The following DMXL2 variants were observed in gnomAD, a reference collection of about 807,000 sequenced individuals.
DMXL2 encodes the protein Dmx like 2, also known as dmX-like protein 2.
In DMXL2, 103 loss-of-function variants were observed where a neutral mutation model predicts 331.1. The ratio of observed to expected loss-of-function variants is 0.31; its 90% CI spans 0.27 to 0.37. The LOEUF is 0.37. DMXL2 is among the 10% of genes least tolerant of loss of function. The pLI is 1.00. For missense variants in DMXL2, 3,171 were observed against 3,642.9 expected (o/e 0.87, Z 3.33); for synonymous variants, 1,281 against 1,252.1 (o/e 1.02, Z -0.49).
intron 1 of DMXL2, among the ~76,000 whole-genome samples, chr15:51,599,241 T>C (rs943693240): frequency 1.3e-5 from 2 of 152,240 alleles, no homozygotes; most frequent in African/African-American, 4.8e-5. Flanking sequence ...TCATTTTTCA[T>C]GCTCCAGCCT....
intron 16 of DMXL2, among the ~76,000 whole-genome samples, chr15:51,504,601 C>T (rs982354217): frequency 6.6e-6 from 1 of 152,278 alleles, no homozygotes; most frequent in African/African-American, 2.4e-5. Context: ...CAAAGAGCAC[C>T]AGAATATTCA....
At chr15:51,485,034 C>CAAAAAAAA (rs35332731) in intron 23 of DMXL2, among the ~76,000 whole-genome samples, 3 of 99,744 alleles carry the variant, frequency 3.0e-5, no homozygotes, top group Non-Finnish European at 5.9e-5. Flanking sequence ...TCAGGCAAAC[C>CAAAAAAAA]AAAAAAAAAA....
chr15:51,539,341 A>C (rs1199715681), intron 9 of DMXL2, among the ~76,000 whole-genome samples: 3 of 152,228 alleles, frequency 2.0e-5, no homozygotes, highest in Non-Finnish European at 4.4e-5. Flanking sequence ...GAAGAATATA[A>C]AAGTATTAAC....
At chr15:51,576,888 CACT>C (rs1214090246) in intron 1 of DMXL2, among the ~76,000 whole-genome samples, 1 of 152,070 alleles carries the variant, frequency 6.6e-6, no homozygotes, top group African/African-American at 2.4e-5. Flanking sequence ...GGGCAAATAC[CACT>C]ATATGATCTT....
intron 1 of DMXL2, among the ~76,000 whole-genome samples, chr15:51,585,318 A>G (rs2051721575): frequency 6.8e-6 from 1 of 146,468 alleles, no homozygotes; most frequent in African/African-American, 2.5e-5. Context: ...TACCTAATTT[A>G]TTGAGAGTTT....
At chr15:51,503,697 G>A (rs1297718963) in intron 16 of DMXL2, among the ~76,000 whole-genome samples, 3 of 152,132 alleles carry the variant, frequency 2.0e-5, no homozygotes, top group Admixed American at 6.5e-5. Flanking sequence ...TTTCAAAAGA[G>A]CTAGAAGAGA....
At chr15:51,535,519 T>C (rs942351553) in intron 13 of DMXL2, 144 bp downstream of exon 13, 1 of 625,732 alleles carries the variant, frequency 1.6e-6, no homozygotes, top group Non-Finnish European at 2.4e-6. Context: ...TAGGAAAAAA[T>C]AAATGTGTCA....
chr15:51,586,160 A>G (rs1029742256), intron 1 of DMXL2, among the ~76,000 whole-genome samples: 1 of 152,264 alleles, frequency 6.6e-6, no homozygotes, highest in East Asian at 1.9e-4. Flanking sequence ...GAAAGCTTAC[A>G]GCAAAAAAGT....
In DMXL2 at chr15:51,601,550, T is replaced by C. The variant is rs144230002; in HGVS notation, c.87+20909A>G. Among the ~76,000 whole-genome samples the C allele has an allele frequency of 2.4e-3, 367 of 152,332 alleles. 2 individuals carry two copies. Among genetic ancestry groups the C allele is most frequent in the African/African-American group, 8.5e-3 (353 of 41,580 alleles). The stretch of plus-strand genomic sequence containing the variant: ...GATCAACCATCCTGTTACTCTACCA[T>C]GCCAATTGTGATATAAATCAAACAT... On this transcript the variant is annotated intron_variant, in intron 1 of 43. Transcript: ENST00000560891.
intron 1 of DMXL2, among the ~76,000 whole-genome samples, chr15:51,586,162 CA>C (rs1176480617): frequency 1.3e-5 from 2 of 151,806 alleles, no homozygotes; most frequent in African/African-American, 4.8e-5. Flanking sequence ...AAGCTTACAG[CA>C]AAAAAGTTTA....
chr15:51,557,413 C>T (rs191225476), intron 6 of DMXL2, among the ~76,000 whole-genome samples: 28 of 152,152 alleles, frequency 1.8e-4, no homozygotes, highest in African/African-American at 5.5e-4. Flanking sequence ...TGTTCATAAA[C>T]GGGAAGACTA....
chr15:51,454,493 G>C (rs530925127), intron 40 of DMXL2, among the ~76,000 whole-genome samples: 2 of 152,098 alleles, frequency 1.3e-5, no homozygotes, highest in Admixed American at 1.3e-4. Context: ...CAGATGTTTG[G>C]AACCTGATTC....
intron 1 of DMXL2, among the ~76,000 whole-genome samples, chr15:51,614,254 C>G (rs183046886): frequency 2.0e-5 from 3 of 152,292 alleles, no homozygotes; most frequent in Admixed American, 6.5e-5. Flanking sequence ...CTTGGACTTC[C>G]AAACTCCAGA....
chr15:51,595,733 T>C (rs562921223), intron 1 of DMXL2, among the ~76,000 whole-genome samples: 33 of 152,168 alleles, frequency 2.2e-4, no homozygotes, highest in African/African-American at 8.0e-4. Flanking sequence ...TATAGATCAA[T>C]GGAACAGAAC....
chr15:51,492,510 T>C (rs928777553), intron 19 of DMXL2, among the ~76,000 whole-genome samples: 3 of 152,158 alleles, frequency 2.0e-5, no homozygotes, highest in African/African-American at 7.2e-5. Flanking sequence ...TTTTTTTACC[T>C]GGGAGAAGAC....
chr15:51,535,605 G>GTCAAAAGAGAATTCTTT, intron 13 of DMXL2, 58 bp downstream of exon 13: 2 of 1,495,578 alleles, frequency 1.3e-6, no homozygotes, highest in Non-Finnish European at 1.8e-6. Context: ...CCTAGACAAA[G>GTCAAAAGAGAATTCTTT]TCAAAAGAGA....
Position 51,486,219 on chromosome 15 carries a change from C to T in DMXL2, c.5336G>A (p.Cys1779Tyr). Residue 1779 changes from cysteine to tyrosine, a missense_variant, in exon 23 of 44, where the codon TGC (cysteine) becomes TAC (tyrosine). Cys to Tyr is a radical substitution (Grantham distance 194). Coordinates refer to ENST00000560891, the MANE Select transcript of DMXL2 (RefSeq NM_001378457.1). Reference protein sequence around the residue: ...ISILNQKILGCQKDGSGFSCK... With the variant: ...ISILNQKILGYQKDGSGFSCK... ...ACTGAATCCTGAGCCATCCTTTTGGCAACCCAAAATCTTCTGATTTAGGAT... is the reference window on the plus strand; with the variant it reads ...ACTGAATCCTGAGCCATCCTTTTGGTAACCCAAAATCTTCTGATTTAGGAT... 1 of 1,614,050 alleles carries T rather than the reference C, an allele frequency of 6.2e-7. No individual in the cohort carries two copies. The highest frequency in any genetic ancestry group is 1.3e-5 in the African/African-American group (1 of 75,042).
chr15:51,607,720 A>T (rs983808520), intron 1 of DMXL2, among the ~76,000 whole-genome samples: 1 of 152,216 alleles, frequency 6.6e-6, no homozygotes, highest in African/African-American at 2.4e-5. Context: ...AAAATCTCAA[A>T]GGCAACTAAG....
Position 51,576,126 on chromosome 15 carries a change from T to C in DMXL2, c.143A>G (p.Gln48Arg). 1 of 1,524,776 alleles carries C rather than the reference T, an allele frequency of 6.6e-7. No homozygotes were observed. The highest frequency in any genetic ancestry group is 8.9e-7 in the Non-Finnish European group (1 of 1,129,398). The allele number at this position is 1,524,776 out of a possible 1,614,324, so 94.5% of individuals were successfully genotyped here. The stretch of plus-strand genomic sequence containing the variant: ...TCCATGCTTAGCACCAGGAATGATC[T>C]GTACACATTCAAAGTCATTTGCCAA... The part of the protein sequence containing the change: ...VILANDFECV[Q>R]IIPGAKHGNI... The change falls in exon 2 of 44, where the codon CAG becomes CGG. Residue 48 changes from glutamine (Q) to arginine (R), a missense_variant. Around this residue, in one of 7 missense-constraint regions of DMXL2, gnomAD observed 1,674 missense variants for 1,780.2 expected, o/e 0.94. Coordinates refer to ENST00000560891, the MANE Select transcript of DMXL2 (RefSeq NM_001378457.1).
Sources: allele counts gnomAD v4.1 joint callset (sites outside exome capture counted in the v4.1 genomes callset), GRCh38; gene constraint gnomAD v4.1.1; regional missense constraint gnomAD v4.1.1; transcripts MANE v1.5; gene names NCBI Gene and HGNC (gene_info 2026-07-23, HGNC 2026-07-21).